Variants in PTPN14 observed in about 807,000 individuals in gnomAD.
PTPN14 encodes the protein protein tyrosine phosphatase non-receptor type 14.
Under a neutral mutation model 126.8 loss-of-function variants are expected in PTPN14, and 53 were observed. That is an observed-to-expected ratio of 0.42 (90% CI 0.34 to 0.53). PTPN14 has a LOEUF of 0.53. Among genes scored for constraint, PTPN14 ranks in the 20% least tolerant of loss-of-function variants. The pLI, the probability that PTPN14 is intolerant of heterozygous loss-of-function variation, is 0.08. For missense variants in PTPN14, 1,257 were observed against 1,552.9 expected, an observed-to-expected ratio of 0.81 and a Z score of 3.20; for synonymous variants, 630 against 599.3, an observed-to-expected ratio of 1.05 and a Z score of -0.75.
intron 1 of PTPN14, among the ~76,000 whole-genome samples, chr1:214,502,967 T>C (rs1269726081): frequency 6.6e-6 from 1 of 152,298 alleles, no homozygotes; most frequent in African/African-American, 2.4e-5. Context: ...GTATTGATTA[T>C]TGAAAATATA....
chr1:214,414,914 A>C (rs766914584), intron 3 of PTPN14, among the ~76,000 whole-genome samples, 188 bp from the exon 4 acceptor site: 4 of 152,242 alleles, frequency 2.6e-5, no homozygotes, highest in Non-Finnish European at 4.4e-5. Flanking sequence ...TTGATGTAGC[A>C]GGTGCCACAT....
intron 7 of PTPN14, among the ~76,000 whole-genome samples, chr1:214,400,759 T>C (rs568557325): frequency 6.6e-6 from 1 of 152,328 alleles, no homozygotes; most frequent in East Asian, 1.9e-4. Context: ...GAAGGGCAGC[T>C]ATTAGAGAAG....
intron 1 of PTPN14, among the ~76,000 whole-genome samples, chr1:214,515,090 G>C (rs964689221): frequency 6.6e-6 from 1 of 152,150 alleles, no homozygotes; most frequent in Non-Finnish European, 1.5e-5. Context: ...AATGGCAACA[G>C]AGCCCAGGGA....
intron 2 of PTPN14, among the ~76,000 whole-genome samples, chr1:214,460,793 AC>A (rs1337792648): frequency 6.6e-6 from 1 of 152,150 alleles, no homozygotes; most frequent in Non-Finnish European, 1.5e-5. Flanking sequence ...GGGAGCAGGG[AC>A]CCTAGCACAT....
chr1:214,359,416 G>T (rs1657902595), intron 18 of PTPN14, among the ~76,000 whole-genome samples: 1 of 150,548 alleles, frequency 6.6e-6, no homozygotes, highest in African/African-American at 2.4e-5. Context: ...TAGAGACGGG[G>T]TTTCAGCATG....
At chr1:214,488,836 C>T (rs1039966128) in intron 1 of PTPN14, among the ~76,000 whole-genome samples, 1 of 152,180 alleles carries the variant, frequency 6.6e-6, no homozygotes, top group Non-Finnish European at 1.5e-5. Context: ...TTCCTCAATA[C>T]AAATTTTCCC....
chr1:214,534,712 C>CAATAAATAAATA (rs138500520), intron 1 of PTPN14, among the ~76,000 whole-genome samples: 56,339 of 141,342 alleles, frequency 0.4, 11,873 homozygotes, highest in Non-Finnish European at 0.46. Context: ...GACTCCTTCT[C>CAATAAATAAATA]AATAAATAAA....
At chr1:214,368,223 T>TATTTATTTATTTATTTA (rs55688410) in intron 17 of PTPN14, among the ~76,000 whole-genome samples, 1 of 151,980 alleles carries the variant, frequency 6.6e-6, no homozygotes, top group African/African-American at 2.4e-5. Context: ...TTTATTTATT[T>TATTTATTTATTTATTTA]TTGAGATGGA....
rs535548578 is a variant in PTPN14, at chr1:214,426,258, T to C, written c.345-11532A>G. ...GCAAACATCTCACTGCCCAAGAATC[T>C]AGTATCTTCCTATGCTGTGATTTCT... On this transcript the variant is annotated intron_variant, in intron 3 of 18. Transcript: ENST00000366956. 1.2e-4 allele frequency among the ~76,000 whole-genome samples: 18 copies of C among 152,250 alleles called. No homozygotes were observed. In the South Asian group the frequency reaches 3.3e-3, roughly 28 times the overall value.
intron 5 of PTPN14, among the ~76,000 whole-genome samples, chr1:214,403,940 A>G (rs5003922): frequency 0.98 from 149,040 of 152,250 alleles, 72,957 homozygotes; most frequent in South Asian, 1. Flanking sequence ...CCTCCAGAGC[A>G]GATGTCAGAA....
At chr1:214,550,535 A>T (rs887472664) in intron 1 of PTPN14, among the ~76,000 whole-genome samples, 23 of 152,366 alleles carry the variant, frequency 1.5e-4, no homozygotes, top group Middle Eastern at 3.4e-3. Context: ...TCTGGGGGTC[A>T]CGTGGGGAAG....
intron 1 of PTPN14, among the ~76,000 whole-genome samples, chr1:214,526,295 G>A (rs1655395888): frequency 6.6e-6 from 1 of 152,156 alleles, no homozygotes; most frequent in South Asian, 2.1e-4. Flanking sequence ...TGGTGCCTGG[G>A]TAGCGTTTTT....
At chr1:214,428,104 G>A (rs1558097890) in intron 3 of PTPN14, among the ~76,000 whole-genome samples, 1 of 152,202 alleles carries the variant, frequency 6.6e-6, no homozygotes, top group African/African-American at 2.4e-5. Flanking sequence ...GGTACTGGCT[G>A]CTTTGTAGAC....
chr1:214,446,321 T>C (rs1660141056), intron 3 of PTPN14, among the ~76,000 whole-genome samples: 2 of 152,222 alleles, frequency 1.3e-5, no homozygotes, highest in African/African-American at 4.8e-5. Context: ...ATATATTTTG[T>C]TTTCTCATTC....
Position 214,543,269 on chromosome 1 carries a change from C to T in PTPN14, c.-155+7914G>A, listed in dbSNP as rs188718392. On this transcript the variant is annotated intron_variant, in intron 1 of 18. Transcript: ENST00000366956. ...ACCCTGAGATGTTCCTCCTTCCTAA[C>T]CCTTCAGTGATATTTATTCTCCCAT... is the stretch of plus-strand genomic sequence containing the variant. 3.3e-3 allele frequency among the ~76,000 whole-genome samples: 508 copies of T among 152,258 alleles called. 2 individuals are homozygous for T. Among genetic ancestry groups the T allele is most frequent in the African/African-American group, 0.012 (496 of 41,522 alleles).
chr1:214,385,554 C>A (rs904799298), intron 12 of PTPN14, among the ~76,000 whole-genome samples: 1 of 143,290 alleles, frequency 7.0e-6, no homozygotes, highest in East Asian at 2.0e-4. Context: ...CAGGCCCAAC[C>A]TGATTGATTT....
At position 214,390,990 on chromosome 1, in the gene PTPN14, G is replaced by GA; in HGVS notation, c.984dup (p.Leu329SerfsTer18). 1 of 1,568,212 alleles carries GA rather than the reference G, an allele frequency of 6.4e-7. No individual in the cohort carries two copies. Among genetic ancestry groups the GA allele is most frequent in the Non-Finnish European group, 8.7e-7 (1 of 1,145,640 alleles). On this transcript the variant is annotated frameshift_variant, in exon 11 of 19. Coordinates refer to ENST00000366956, the MANE Select transcript of PTPN14 (RefSeq NM_005401.5). LOFTEE classifies it high-confidence loss of function. ...ATCACTGCAGCTTCTATACATACCA[G>GA]AGAGGATCGGCTCCAGGTGGGCTGG...
chr1:214,549,585 T>C lies in PTPN14; in HGVS notation c.-155+1598A>G, dbSNP rs1177528870. ...AGCTTCAACCTCATCACCAAACAAT[T>C]AGCTAACTTTATAATACAAGGTCCG... On this transcript the variant is annotated intron_variant, in intron 1 of 18. Coordinates refer to ENST00000366956, the MANE Select transcript of PTPN14 (RefSeq NM_005401.5). Among the ~76,000 whole-genome samples, 3 of 152,246 alleles carry C rather than the reference T, an allele frequency of 2.0e-5. No individual in the cohort carries two copies. In the East Asian group the frequency reaches 5.8e-4, roughly 29 times the overall value.
intron 17 of PTPN14, among the ~76,000 whole-genome samples, 165 bp downstream of exon 17, chr1:214,369,292 A>G (rs1658157693): frequency 6.6e-6 from 1 of 152,252 alleles, no homozygotes; most frequent in South Asian, 2.1e-4. Context: ...ATGTATTATT[A>G]TACTCTGTTC....
Sources: allele counts gnomAD v4.1 joint callset (sites outside exome capture counted in the v4.1 genomes callset), GRCh38; gene constraint gnomAD v4.1.1; transcripts MANE v1.5; gene names NCBI Gene and HGNC (gene_info 2026-07-23, HGNC 2026-07-21).